TUSC3: variants seen among roughly 807,000 people sequenced by gnomAD.
The protein encoded by TUSC3 is dolichyl-diphosphooligosaccharide--protein glycosyltransferase subunit TUSC3.
TUSC3 carries 45 observed loss-of-function variants against 44.8 expected under a neutral mutation model. The ratio of observed to expected loss-of-function variants is 1.00; its 90% CI spans 0.79 to 1.29. The LOEUF (loss-of-function observed/expected upper bound fraction) is 1.29. Ranked by LOEUF, TUSC3 falls within the 50% of genes most tolerant of loss-of-function variation. The pLI is 0.00. For synonymous variants in TUSC3, 212 were observed against 152.9 expected, an observed-to-expected ratio of 1.39 and a Z score of -2.85; for missense variants, 519 against 437.9, an observed-to-expected ratio of 1.19 and a Z score of -1.65.
chr8:15,848,228 C>A, the TUSC3 span, among the ~76,000 whole-genome samples: 1 of 152,182 alleles, frequency 6.6e-6, no homozygotes, highest in South Asian at 2.1e-4. Flanking sequence ...TTTCATCCTT[C>A]CCTGTGTAGG....
the TUSC3 span, among the ~76,000 whole-genome samples, chr8:15,822,599 G>A: frequency 6.6e-6 from 1 of 152,138 alleles, no homozygotes; most frequent in Admixed American, 6.6e-5. Context: ...TGTGAATGAA[G>A]ATATAGAAGA....
At position 15,457,279 on chromosome 8, in the gene TUSC3, A is replaced by C. The variant is rs965709357; in HGVS notation, n.92-26107A>C. On this transcript the variant is annotated intron_variant and non_coding_transcript_variant, in intron 1 of 5. Coordinates refer to the TUSC3 transcript ENST00000503191. ...CGTGTATACATATGTAACAAACCTG[A>C]ACGTTGTGCACAAGTACCCTAGAAC... Among the ~76,000 whole-genome samples the C allele has an allele frequency of 9.2e-5, 14 of 151,954 alleles. 1 individual carries two copies. The highest frequency in any genetic ancestry group is 2.1e-4 in the South Asian group (1 of 4,836).
intron 2 of TUSC3, among the ~76,000 whole-genome samples, chr8:15,626,823 G>T (rs1402475686): frequency 6.6e-6 from 1 of 152,234 alleles, no homozygotes; most frequent in African/African-American, 2.4e-5. Flanking sequence ...ATGGGAGAGT[G>T]GCTGAGGGGG....
At chr8:15,512,309 G>A (rs1475805684) in intron 2 of TUSC3, among the ~76,000 whole-genome samples, 1 of 152,094 alleles carries the variant, frequency 6.6e-6, no homozygotes, top group Non-Finnish European at 1.5e-5. Flanking sequence ...TTCCATTGAA[G>A]GTTTTAACAG....
rs549164550 is a variant in TUSC3, at chr8:15,709,878, C to T, written c.799-20788C>T. Among the ~76,000 whole-genome samples the T allele has an allele frequency of 5.9e-5, 9 of 151,944 alleles. No individual in the cohort carries two copies. The East Asian group carries it at 7.7e-4, about 13-fold the overall frequency. On this transcript the variant is annotated intron_variant, in intron 6 of 10. Transcript: ENST00000503731. ...GCTCACCTACATCTTTTCCTTGTTG[C>T]AGTCCATTACATTATGGCACTCAAA...
chr8:15,742,063 C>T (rs1466656339), intron 7 of TUSC3, among the ~76,000 whole-genome samples: 3 of 152,174 alleles, frequency 2.0e-5, no homozygotes, highest in Admixed American at 1.3e-4. Flanking sequence ...TTAAAGTCTA[C>T]AGACTACCAT....
intron 6 of TUSC3, among the ~76,000 whole-genome samples, chr8:15,678,951 G>A (rs1383692381): frequency 6.6e-6 from 1 of 152,124 alleles, no homozygotes; most frequent in Admixed American, 6.6e-5. Flanking sequence ...ATTTTATTGT[G>A]CTGCATAGTA....
At chr8:15,469,078 T>G (rs145587071) in intron 1 of TUSC3, among the ~76,000 whole-genome samples, 1 of 152,122 alleles carries the variant, frequency 6.6e-6, no homozygotes, top group South Asian at 2.1e-4. Flanking sequence ...GGTAATAAAA[T>G]TCCCTGGAGA....
At chr8:15,622,451 A>G (rs1040370487) in intron 1 of TUSC3, among the ~76,000 whole-genome samples, 1 of 152,048 alleles carries the variant, frequency 6.6e-6, no homozygotes, top group Non-Finnish European at 1.5e-5. Context: ...CCTTCTATAC[A>G]GAAGCTACAG....
intron 1 of TUSC3, among the ~76,000 whole-genome samples, chr8:15,457,208 C>T (rs907930278): frequency 1.3e-5 from 2 of 151,240 alleles, no homozygotes; most frequent in African/African-American, 4.9e-5. Flanking sequence ...AGGAGATACA[C>T]CTAAAGTAAA....
chr8:15,669,217 G>T (rs1348884054), intron 5 of TUSC3, among the ~76,000 whole-genome samples: 1 of 151,796 alleles, frequency 6.6e-6, no homozygotes. Context: ...CAAGAAGAAT[G>T]AGAAAGTCTT....
intron 1 of TUSC3, among the ~76,000 whole-genome samples, chr8:15,578,525 G>A: frequency 7.7e-6 from 1 of 129,594 alleles, no homozygotes; most frequent in Non-Finnish European, 1.6e-5. Context: ...TTAGCATGAA[G>A]GGTTGTTGAA....
At chr8:15,655,161 A>G (rs1414737056) in intron 3 of TUSC3, among the ~76,000 whole-genome samples, 1 of 152,186 alleles carries the variant, frequency 6.6e-6, no homozygotes, top group East Asian at 1.9e-4. Context: ...TGCTAAAATA[A>G]TAATTGGTTG....
intron 1 of TUSC3, among the ~76,000 whole-genome samples, chr8:15,444,901 C>T (rs1001076177): frequency 6.6e-6 from 1 of 152,200 alleles, no homozygotes; most frequent in Admixed American, 6.5e-5. Context: ...TCCCGGCAAA[C>T]TCCTGGAAGG....
At chr8:15,475,138 G>C (rs10108152) in intron 1 of TUSC3, among the ~76,000 whole-genome samples, 151,190 of 152,266 alleles carry the variant, frequency 0.99, 75,067 homozygotes, top group East Asian at 1. Flanking sequence ...ATTATGCTCT[G>C]AGGCACCATG....
chr8:15,735,537 T>C (rs1484546939), intron 7 of TUSC3, among the ~76,000 whole-genome samples: 2 of 152,214 alleles, frequency 1.3e-5, no homozygotes, highest in Non-Finnish European at 2.9e-5. Flanking sequence ...TTAAAACTTT[T>C]AACCCATTGT....
At chr8:15,510,897 A>G (rs963080493) in intron 2 of TUSC3, among the ~76,000 whole-genome samples, 31 of 152,360 alleles carry the variant, frequency 2.0e-4, no homozygotes, top group Non-Finnish European at 3.5e-4. Flanking sequence ...GCTCATGTGT[A>G]GAATGCAAGA....
chr8:15,591,920 A>T (rs1803857173), intron 1 of TUSC3, among the ~76,000 whole-genome samples: 1 of 152,192 alleles, frequency 6.6e-6, no homozygotes, highest in South Asian at 2.1e-4. Context: ...TTTACATTTT[A>T]AAGTAATTAC....
intron 1 of TUSC3, among the ~76,000 whole-genome samples, chr8:15,472,463 T>A (rs1800507297): frequency 6.6e-6 from 1 of 152,232 alleles, no homozygotes; most frequent in Non-Finnish European, 1.5e-5. Context: ...AGGTCTGAGT[T>A]TTATCTCTGG....
Sources: gnomAD v4.1 joint callset for allele counts (sites outside exome capture counted in the v4.1 genomes callset) on GRCh38, gnomAD v4.1.1 for gene constraint, MANE v1.5 for transcripts, NCBI Gene and HGNC (gene_info 2026-07-23, HGNC 2026-07-21) for gene names.